The following RIMS2 variants were observed in gnomAD, a reference collection of about 807,000 sequenced individuals.
The protein encoded by RIMS2 is regulating synaptic membrane exocytosis 2.
RIMS2 carries 59 observed loss-of-function variants against 174.4 expected under a neutral mutation model. The ratio of observed to expected loss-of-function variants is 0.34; its 90% CI spans 0.27 to 0.42. The LOEUF is 0.42. Ranked by LOEUF, RIMS2 falls within the 10% of genes least tolerant of loss-of-function variation. The probability of loss-of-function intolerance (pLI) is 1.00; values close to 1 mark genes in which losing one functional copy is unlikely to be tolerated. For synonymous variants in RIMS2, 606 were observed against 572.5 expected (o/e 1.06, Z -0.84); for missense variants, 1,620 against 1,666.3 (o/e 0.97, Z 0.48).
At chr8:104,002,312 C>G (rs895195991) in intron 17 of RIMS2, among the ~76,000 whole-genome samples, 5 of 151,976 alleles carry the variant, frequency 3.3e-5, no homozygotes, top group African/African-American at 1.2e-4. Context: ...ACTTACATAT[C>G]CAGAAGTTGA....
chr8:103,595,839 G>A (rs1014868022), intron 1 of RIMS2, among the ~76,000 whole-genome samples: 12 of 151,836 alleles, frequency 7.9e-5, no homozygotes, highest in East Asian at 1.9e-4. Flanking sequence ...CTTCCTCTTC[G>A]ATCCCATCCC....
intron 20 of RIMS2, among the ~76,000 whole-genome samples, chr8:104,245,917 T>C (rs1454863051): frequency 6.6e-6 from 1 of 152,202 alleles, no homozygotes; most frequent in Non-Finnish European, 1.5e-5. Flanking sequence ...TTTGGGATAC[T>C]TATAGAAACA....
intron 1 of RIMS2, among the ~76,000 whole-genome samples, chr8:103,600,615 C>G (rs2094690293): frequency 6.6e-6 from 1 of 152,152 alleles, no homozygotes; most frequent in Non-Finnish European, 1.5e-5. Flanking sequence ...GCTTAGGTTG[C>G]TTGTAAATCT....
At chr8:103,699,656 T>C (rs1341171944) in intron 2 of RIMS2, among the ~76,000 whole-genome samples, 1 of 152,164 alleles carries the variant, frequency 6.6e-6, no homozygotes, top group Non-Finnish European at 1.5e-5. Context: ...CTTTTTTACT[T>C]TCTTAAAATA....
At chr8:103,861,338 C>G (rs1344826244) in intron 3 of RIMS2, among the ~76,000 whole-genome samples, 1 of 152,058 alleles carries the variant, frequency 6.6e-6, no homozygotes, top group African/African-American at 2.4e-5. Flanking sequence ...TATAATATTC[C>G]ATGTTGTATA....
intron 19 of RIMS2, among the ~76,000 whole-genome samples, chr8:104,118,972 T>A (rs549193044): frequency 6.6e-6 from 1 of 152,198 alleles, no homozygotes; most frequent in African/African-American, 2.4e-5. Context: ...CATCTCCAGA[T>A]ACTGTCATAT....
chr8:103,975,644 G>A (rs1381335087), intron 16 of RIMS2, 138 bp downstream of exon 18: 1 of 575,932 alleles, frequency 1.7e-6, no homozygotes, highest in Non-Finnish European at 3.0e-6. Context: ...ATAAGACAAA[G>A]TCCCACCATA....
intron 1 of RIMS2, among the ~76,000 whole-genome samples, chr8:103,560,599 G>A (rs2131958452): frequency 6.6e-6 from 1 of 152,260 alleles, no homozygotes; most frequent in South Asian, 2.1e-4. Flanking sequence ...GGATGGAAAG[G>A]TAGCTCATAT....
At chr8:103,718,803 G>A (rs1375489523) in intron 2 of RIMS2, among the ~76,000 whole-genome samples, 1 of 152,032 alleles carries the variant, frequency 6.6e-6, no homozygotes, top group African/African-American at 2.4e-5. Context: ...AAGTGGCTGG[G>A]ATTACAGGCG....
intron 1 of RIMS2, among the ~76,000 whole-genome samples, chr8:103,537,922 T>C (rs10089162): frequency 0.18 from 27,748 of 151,958 alleles, 2,773 homozygotes; most frequent in African/African-American, 0.26. Flanking sequence ...GAGGGCCATG[T>C]GATACATTTT....
At chr8:103,755,857 C>A (rs2097991192) in intron 2 of RIMS2, among the ~76,000 whole-genome samples, 1 of 152,068 alleles carries the variant, frequency 6.6e-6, no homozygotes, top group Non-Finnish European at 1.5e-5. Flanking sequence ...ATCTTCCTTG[C>A]ATTGGGTTAG....
intron 3 of RIMS2, among the ~76,000 whole-genome samples, chr8:103,772,806 A>G (rs1196496766): frequency 6.6e-6 from 1 of 152,172 alleles, no homozygotes; most frequent in Non-Finnish European, 1.5e-5. Flanking sequence ...ATTCATGTAT[A>G]GACAAGTAAT....
chr8:103,877,892 G>A (rs1426029947), intron 3 of RIMS2, among the ~76,000 whole-genome samples: 2 of 151,662 alleles, frequency 1.3e-5, no homozygotes, highest in Non-Finnish European at 2.9e-5. Flanking sequence ...ATTTGTTTGT[G>A]TCATCTATGA....
At chr8:103,548,430 C>A (rs571804135) in intron 1 of RIMS2, among the ~76,000 whole-genome samples, 1 of 152,160 alleles carries the variant, frequency 6.6e-6, no homozygotes, top group Non-Finnish European at 1.5e-5. Context: ...ACATGATCAT[C>A]TCAATAGATG....
intron 1 of RIMS2, among the ~76,000 whole-genome samples, chr8:103,523,360 C>T (rs867800317): frequency 1.3e-5 from 2 of 150,822 alleles, no homozygotes; most frequent in Admixed American, 6.6e-5. Flanking sequence ...CTATTTGGGT[C>T]TTGCCCATGG....
intron 1 of RIMS2, among the ~76,000 whole-genome samples, chr8:103,612,917 T>A (rs79925204): frequency 0.011 from 1,662 of 152,320 alleles, 12 homozygotes; most frequent in Non-Finnish European, 0.016. Flanking sequence ...ATGGAGTCTC[T>A]CTCTGTGCTG....
At chr8:104,130,043 C>T (rs1338051404) in intron 19 of RIMS2, among the ~76,000 whole-genome samples, 1 of 152,130 alleles carries the variant, frequency 6.6e-6, no homozygotes, top group African/African-American at 2.4e-5. Context: ...TAGGAGTTTT[C>T]ATTCAAATAG....
chr8:103,779,190 TATGG>T (rs2098356017), intron 3 of RIMS2, among the ~76,000 whole-genome samples: 1 of 152,214 alleles, frequency 6.6e-6, no homozygotes, highest in African/African-American at 2.4e-5. Flanking sequence ...TCTGCCATTA[TATGG>T]GTTGTCTCTT....
chr8:103,922,400 TTG>T (rs2077858563), intron 10 of RIMS2, among the ~76,000 whole-genome samples: 1 of 152,042 alleles, frequency 6.6e-6, no homozygotes, highest in South Asian at 2.1e-4. Flanking sequence ...GAATTTTATA[TTG>T]TGTTGATATT....
Sources: gnomAD v4.1 joint callset for allele counts (sites outside exome capture counted in the v4.1 genomes callset) on GRCh38, gnomAD v4.1.1 for gene constraint, MANE v1.5 for transcripts, NCBI Gene and HGNC (gene_info 2026-07-23, HGNC 2026-07-21) for gene names.